The following CYB5B variants were observed in gnomAD, a reference collection of about 807,000 sequenced individuals.
CYB5B encodes the protein cytochrome b5 type B (outer mitochondrial membrane).
Under a neutral mutation model 21.3 loss-of-function variants are expected in CYB5B, and 14 were observed. The observed-to-expected ratio is 0.66, with a 90% CI of 0.43 to 1.03. CYB5B has a LOEUF of 1.03. Among genes scored for constraint, CYB5B ranks in the 50% least tolerant of loss-of-function variants. The pLI is 0.00. For missense variants in CYB5B, 166 were observed against 185.1 expected, an observed-to-expected ratio of 0.90 and a Z score of 0.60; for synonymous variants, 69 against 68.4, an observed-to-expected ratio of 1.01 and a Z score of -0.04.
In CYB5B at chr16:69,464,829, A is replaced by G. The variant is rs555158629; in HGVS notation, c.*2309A>G. The G allele has an allele frequency of 1.3e-5, 2 of 152,712 alleles. No individual in the cohort carries two copies. The highest frequency in any genetic ancestry group is 1.9e-4 in the East Asian group (1 of 5,186). The allele number at this position is 152,712 out of a possible 1,614,324, so 9.5% of individuals were successfully genotyped here. The stretch of plus-strand genomic sequence containing the variant: ...TAATTAGACTTTGTCTCTTCCACCC[A>G]TGAAATCCCCCAGTACCCAGGGCTT... On this transcript the variant is annotated 3_prime_UTR_variant, in exon 5 of 5. Coordinates refer to ENST00000307892, the MANE Select transcript of CYB5B (RefSeq NM_030579.3).
At chr16:69,447,956 A>T (rs1055746406) in intron 2 of CYB5B, among the ~76,000 whole-genome samples, 159 bp from the exon 3 acceptor site, 2 of 149,842 alleles carry the variant, frequency 1.3e-5, no homozygotes, top group Non-Finnish European at 3.0e-5. Flanking sequence ...GGACTCTGAT[A>T]TGCTCAGAGT....
At chr16:69,459,027 A>T in intron 3 of CYB5B, 66 bp from the exon 4 acceptor site, 1 of 1,423,506 alleles carries the variant, frequency 7.0e-7, no homozygotes, top group South Asian at 1.3e-5. Flanking sequence ...GAAAATGTAC[A>T]TGTGCTATGT....
Position 69,462,467 on chromosome 16 carries a change from G to A in CYB5B, c.400G>A (p.Val134Ile). The change falls in exon 5 of 5, where the codon GTT becomes ATT. Residue 134 changes from valine (V) to isoleucine (I), a missense_variant. Transcript: ENST00000307892. ...TTGGATTTTACCCATCATAGGCGCT[G>A]TTCTCTTAGGTTTCCTGTACCGCTA... is the stretch of plus-strand genomic sequence containing the variant. ...AYWILPIIGA[V>I]LLGFLYRYYT... is the part of the protein sequence containing the mutation. The A allele has an allele frequency of 6.2e-7, 1 of 1,614,128 alleles. No individual in the cohort carries two copies.
intron 1 of CYB5B, among the ~76,000 whole-genome samples, chr16:69,430,211 T>G (rs553584183): frequency 6.6e-6 from 1 of 152,222 alleles, no homozygotes; most frequent in South Asian, 2.1e-4. Context: ...CAGTTATATA[T>G]AATGTATTTT....
At chr16:69,438,711 TA>T (rs1299757109) in intron 1 of CYB5B, among the ~76,000 whole-genome samples, 1 of 152,194 alleles carries the variant, frequency 6.6e-6, no homozygotes, top group African/African-American at 2.4e-5. Flanking sequence ...TTTGTGTATT[TA>T]CTTTGAAGAA....
Position 69,464,402 on chromosome 16 carries a change from T to C in CYB5B, c.*1882T>C, listed in dbSNP as rs1435304830. ...CAATATTGAAAAAAACTTTGGTTAT[T>C]ATTTAACAAAAGTGGTATGACTTGA... On this transcript the variant is annotated 3_prime_UTR_variant, in exon 5 of 5. Coordinates refer to ENST00000307892, the MANE Select transcript of CYB5B (RefSeq NM_030579.3). The C allele has an allele frequency of 1.3e-5, 2 of 152,216 alleles. No homozygotes were observed. Among genetic ancestry groups the C allele is most frequent in the Non-Finnish European group, 2.9e-5 (2 of 68,034 alleles). The allele number at this position is 152,216 out of a possible 1,614,324, so 9.4% of individuals were successfully genotyped here.
intron 1 of CYB5B, among the ~76,000 whole-genome samples, chr16:69,438,388 T>C (rs1340680023): frequency 6.6e-6 from 1 of 152,226 alleles, no homozygotes; most frequent in Non-Finnish European, 1.5e-5. Flanking sequence ...TGAATCTGTT[T>C]TTAATTCATT....
At chr16:69,430,001 G>T (rs912919220) in intron 1 of CYB5B, among the ~76,000 whole-genome samples, 2 of 152,026 alleles carry the variant, frequency 1.3e-5, no homozygotes, top group Non-Finnish European at 2.9e-5. Flanking sequence ...TCTTTCCCTG[G>T]CAGATTAATT....
At chr16:69,429,314 T>C (rs982076258) in intron 1 of CYB5B, among the ~76,000 whole-genome samples, 3 of 152,210 alleles carry the variant, frequency 2.0e-5, no homozygotes, top group African/African-American at 7.2e-5. Flanking sequence ...TGCTGCTGGC[T>C]GGGGTGGCCA....
intron 1 of CYB5B, among the ~76,000 whole-genome samples, chr16:69,428,879 G>A (rs1236525709): frequency 6.6e-6 from 1 of 152,166 alleles, no homozygotes; most frequent in East Asian, 1.9e-4. Flanking sequence ...TGAGATGGGA[G>A]GATGTCTGGT....
chr16:69,447,096 T>C, intron 1 of CYB5B, 54 bp from the exon 2 acceptor site: 6 of 1,585,966 alleles, frequency 3.8e-6, no homozygotes, highest in Non-Finnish European at 5.2e-6. Flanking sequence ...GAAAGTAACT[T>C]GTTGGTTTGC....
At chr16:69,438,822 G>A (rs1049061549) in intron 1 of CYB5B, among the ~76,000 whole-genome samples, 2 of 152,106 alleles carry the variant, frequency 1.3e-5, no homozygotes, top group Non-Finnish European at 2.9e-5. Flanking sequence ...TGTCTTTATT[G>A]TTAGGTTACA....
intron 3 of CYB5B, among the ~76,000 whole-genome samples, chr16:69,451,194 C>T (rs1291772229): frequency 6.6e-6 from 1 of 152,070 alleles, no homozygotes; most frequent in Non-Finnish European, 1.5e-5. Flanking sequence ...CTGGATTAAC[C>T]CTCATGCTGA....
chr16:69,447,065 GA>G (rs1241435102), intron 1 of CYB5B, 84 bp from the exon 2 acceptor site: 1 of 1,474,842 alleles, frequency 6.8e-7, no homozygotes, highest in Admixed American at 2.0e-5. Context: ...ATTAAAGGGA[GA>G]AAGGAAGAAG....
chr16:69,428,554 G>C (rs180957085), intron 1 of CYB5B, among the ~76,000 whole-genome samples: 176 of 152,246 alleles, frequency 1.2e-3, no homozygotes, highest in Non-Finnish European at 2.2e-3. Flanking sequence ...TACTTGGGAG[G>C]CTGAGGCAGG....
intron 1 of CYB5B, among the ~76,000 whole-genome samples, chr16:69,429,724 A>G (rs761450155): frequency 1.3e-5 from 2 of 152,204 alleles, no homozygotes; most frequent in Non-Finnish European, 2.9e-5. Context: ...GGAATGAAAG[A>G]AAAATGAGTC....
rs376985442 is a variant in CYB5B at position 69,424,687 on chromosome 16, T to G, written c.4T>G (p.Ser2Ala). The G allele has an allele frequency of 1.1e-5, 17 of 1,574,636 alleles. No individual in the cohort carries two copies. The highest frequency in any genetic ancestry group is 1.5e-5 in the Non-Finnish European group (17 of 1,159,752). The change falls in exon 1 of 5, where the codon TCC (serine) becomes GCC (alanine). Residue 2 changes from serine to alanine, a missense_variant. Transcript: ENST00000307892. M[S>A]GSMATAEASG... ...CAGTTAGCGGTGGAGAGGCAGTATG[T>G]CCGGTTCAATGGCGACTGCGGAAGC...
intron 3 of CYB5B, among the ~76,000 whole-genome samples, chr16:69,453,026 T>G (rs996754654): frequency 3.9e-5 from 6 of 152,140 alleles, no homozygotes; most frequent in Non-Finnish European, 8.8e-5. Flanking sequence ...TTTCTCATTT[T>G]TTAAGTAGAT....
At chr16:69,444,375 C>T (rs2014856629) in intron 1 of CYB5B, 1 of 152,388 alleles carries the variant, frequency 6.6e-6, no homozygotes, top group Admixed American at 6.5e-5. Flanking sequence ...GTATGCTCCT[C>T]AGCCTGGGCA....
Sources: gnomAD v4.1 joint callset for allele counts (sites outside exome capture counted in the v4.1 genomes callset) on GRCh38, gnomAD v4.1.1 for gene constraint, MANE v1.5 for transcripts, NCBI Gene and HGNC (gene_info 2026-07-23, HGNC 2026-07-21) for gene names.